TNKS: variants seen among roughly 807,000 people sequenced by gnomAD.
TNKS encodes the protein poly [ADP-ribose] polymerase tankyrase-1.
Under a neutral mutation model 135.8 loss-of-function variants are expected in TNKS, and 72 were observed. The observed-to-expected ratio is 0.53, with a 90% CI of 0.44 to 0.64. The LOEUF (loss-of-function observed/expected upper bound fraction) is 0.64. TNKS is among the 30% of genes least tolerant of loss of function. The pLI is 0.00. For missense variants in TNKS, 1,769 were observed against 1,674.0 expected (o/e 1.06, Z -0.99); for synonymous variants, 849 against 649.3 (o/e 1.31, Z -4.68).
chr8:9,764,828 A>T, intron 23 of TNKS, 38 bp downstream of exon 23: 1 of 1,523,292 alleles, frequency 6.6e-7, no homozygotes, highest in African/African-American at 1.4e-5. Flanking sequence ...ACTGGATTGC[A>T]AGGCTTGCCT....
At chr8:9,660,334 C>A (rs1159874236) in intron 3 of TNKS, among the ~76,000 whole-genome samples, 2 of 152,078 alleles carry the variant, frequency 1.3e-5, no homozygotes, top group African/African-American at 4.8e-5. Flanking sequence ...TGCAAAAATC[C>A]TCAATAAAAT....
At chr8:9,750,375 T>C (rs1333104708) in intron 18 of TNKS, among the ~76,000 whole-genome samples, 1 of 152,180 alleles carries the variant, frequency 6.6e-6, no homozygotes, top group Non-Finnish European at 1.5e-5. Flanking sequence ...ACAGTTCCTT[T>C]CTCTCTTCCT....
intron 3 of TNKS, among the ~76,000 whole-genome samples, chr8:9,624,130 G>T (rs1020832940): frequency 6.6e-6 from 1 of 152,024 alleles, no homozygotes; most frequent in Non-Finnish European, 1.5e-5. Context: ...AAGCCACCAG[G>T]CTTACATCAT....
chr8:9,656,606 A>ATTTTCT (rs1801382125), intron 3 of TNKS, among the ~76,000 whole-genome samples: 1 of 68,034 alleles, frequency 1.5e-5, no homozygotes, highest in African/African-American at 5.8e-5. Flanking sequence ...AAAGAAAAGA[A>ATTTTCT]TTTTCTTTTT....
intron 3 of TNKS, among the ~76,000 whole-genome samples, chr8:9,627,541 T>C (rs1237040707): frequency 1.7e-5 from 1 of 58,196 alleles, no homozygotes; most frequent in Admixed American, 2.1e-4. Context: ...TGTGGCAAAA[T>C]TGCTTGCTTG....
chr8:9,707,884 T>C (rs1804125743), intron 8 of TNKS, among the ~76,000 whole-genome samples: 1 of 152,194 alleles, frequency 6.6e-6, no homozygotes, highest in Non-Finnish European at 1.5e-5. Flanking sequence ...TACCATTACT[T>C]ATGGTGTACT....
At chr8:9,729,617 C>T (rs1298771054) in intron 13 of TNKS, among the ~76,000 whole-genome samples, 1 of 152,032 alleles carries the variant, frequency 6.6e-6, no homozygotes, top group Non-Finnish European at 1.5e-5. Context: ...TTATTCTACC[C>T]CTTACCAACT....
At chr8:9,730,581 A>G (rs1257533881) in intron 13 of TNKS, among the ~76,000 whole-genome samples, 3 of 152,200 alleles carry the variant, frequency 2.0e-5, no homozygotes, top group Admixed American at 1.3e-4. Flanking sequence ...AGACTTACAA[A>G]GATAAAACAG....
chr8:9,671,362 G>A (rs1802261891), intron 3 of TNKS, among the ~76,000 whole-genome samples: 1 of 152,048 alleles, frequency 6.6e-6, no homozygotes, highest in Non-Finnish European at 1.5e-5. Flanking sequence ...CCAAATGTCT[G>A]GCAGCTGGTG....
chr8:9,711,903 C>T (rs1236533774), intron 11 of TNKS, among the ~76,000 whole-genome samples: 1 of 152,150 alleles, frequency 6.6e-6, no homozygotes, highest in Non-Finnish European at 1.5e-5. Context: ...AGAATTTTCT[C>T]ACCTGTTCAA....
chr8:9,721,296 A>T (rs1049018958), intron 12 of TNKS, among the ~76,000 whole-genome samples: 4 of 102,926 alleles, frequency 3.9e-5, no homozygotes, highest in African/African-American at 1.0e-4. Flanking sequence ...TAAATAAATA[A>T]ATTATATATA....
intron 3 of TNKS, among the ~76,000 whole-genome samples, chr8:9,673,342 A>G (rs2128794061): frequency 6.6e-6 from 1 of 152,204 alleles, no homozygotes; most frequent in African/African-American, 2.4e-5. Context: ...TACAATTTTT[A>G]AGACATGAAA....
At chr8:9,591,712 T>C (rs949276651) in intron 2 of TNKS, among the ~76,000 whole-genome samples, 2 of 152,212 alleles carry the variant, frequency 1.3e-5, no homozygotes, top group Non-Finnish European at 2.9e-5. Flanking sequence ...TTGCTTTGCT[T>C]TTCGTTTTCT....
intron 3 of TNKS, among the ~76,000 whole-genome samples, chr8:9,641,944 T>C (rs1276045097): frequency 2.1e-5 from 3 of 146,142 alleles, no homozygotes; most frequent in African/African-American, 7.6e-5. Context: ...GAAAGTAACC[T>C]CACAAAGCCT....
rs1269913031 is a variant in TNKS, at chr8:9,556,194, C to T, written c.255C>T (p.Asp85=). 1.2e-6 allele frequency: 2 copies of T among 1,613,576 alleles called. No individual in the cohort carries two copies. Among genetic ancestry groups the T allele is most frequent in the South Asian group, 2.2e-5 (2 of 91,068 alleles). Residue 85 remains aspartate, a synonymous_variant, in exon 1 of 27, where the codon GAC becomes GAT. Transcript: ENST00000310430. ...PDRPRSPDPV[D]GTSCCSTTST... ...GGCCCCGATCCCCGGACCCGGTTGA[C>T]GGTACCAGCTGTTGCAGTACCACCA...
Position 9,580,252 on chromosome 8 carries a change from C to G in TNKS, c.767C>G (p.Ala256Gly), listed in dbSNP as rs752486954. 4 of 1,614,110 alleles carry G rather than the reference C, an allele frequency of 2.5e-6. No individual in the cohort carries two copies. The South Asian group carries it at 4.4e-5, about 18-fold the overall frequency. ...DDGGLIPLHNACSFGHAEVVS... is the reference protein window; with the variant it reads ...DDGGLIPLHNGCSFGHAEVVS... ...GGAGGTCTCATCCCGCTTCATAATG[C>G]CTGTTCTTTTGGCCATGCTGAGGTT... Residue 256 changes from alanine to glycine, a missense_variant, in exon 2 of 27, where the codon GCC (alanine) becomes GGC (glycine). Coordinates refer to ENST00000310430, the MANE Select transcript of TNKS (RefSeq NM_003747.3).
At position 9,776,395 on chromosome 8, in the gene TNKS, CT is replaced by C. The variant is rs543225306; in HGVS notation, c.3898-254del. 7.4e-3 allele frequency among the ~76,000 whole-genome samples: 1,127 copies of C among 152,282 alleles called. 13 individuals carry two copies. The highest frequency in any genetic ancestry group is 0.013 in the Non-Finnish European group (895 of 68,024). ...TTCCCTGCTTATGACACATGGCTCT[CT>C]AATAAGGGATGAATGGAGCTTAATT... On this transcript the variant is annotated intron_variant, in intron 26 of 26. Coordinates refer to ENST00000310430, the MANE Select transcript of TNKS (RefSeq NM_003747.3).
At position 9,756,020 on chromosome 8, in the gene TNKS, C is replaced by T. The variant is rs150233324; in HGVS notation, c.3153+3394C>T. On this transcript the variant is annotated intron_variant, in intron 20 of 26. Coordinates refer to ENST00000310430, the MANE Select transcript of TNKS (RefSeq NM_003747.3). ...CTTTGGCCCTTCCTTTATAACATAG[C>T]TTTGTACCTATGAACATAGGTAGGA... 1.8e-3 allele frequency among the ~76,000 whole-genome samples: 278 copies of T among 152,230 alleles called. 1 individual carries two copies. Among genetic ancestry groups the T allele is most frequent in the African/African-American group, 6.7e-3 (276 of 41,496 alleles).
In TNKS at chr8:9,764,736, A is replaced by C; in HGVS notation, c.3393A>C (p.Glu1131Asp). The C allele has an allele frequency of 1.9e-6, 3 of 1,599,932 alleles. 1 individual carries two copies. Among genetic ancestry groups the C allele is most frequent in the South Asian group, 2.3e-5 (2 of 87,416 alleles). ...VEEEMQSTIR[E>D]HRDGGNAGGI... ...TGTAGATGCAAAGTACTATTCGAGA[A>C]CACAGAGATGGTGGTAATGCTGGCG... The change falls in exon 23 of 27, where the codon GAA becomes GAC. Residue 1131 changes from glutamate (E) to aspartate (D), a missense_variant. Glu to Asp is a conservative substitution (Grantham distance 45, BLOSUM62 2). Transcript: ENST00000310430.
Sources: allele counts gnomAD v4.1 joint callset (sites outside exome capture counted in the v4.1 genomes callset), GRCh38; gene constraint gnomAD v4.1.1; transcripts MANE v1.5; gene names NCBI Gene and HGNC (gene_info 2026-07-23, HGNC 2026-07-21).